ADAMTSL1: variants seen among roughly 807,000 people sequenced by gnomAD.
ADAMTSL1 encodes the protein ADAMTS-like protein 1.
A neutral mutation model predicts 201.8 loss-of-function variants in ADAMTSL1; 126 were observed. The ratio of observed to expected loss-of-function variants is 0.62; its 90% CI spans 0.54 to 0.72. The LOEUF (loss-of-function observed/expected upper bound fraction) is 0.72. Ranked by LOEUF, ADAMTSL1 falls within the 30% of genes least tolerant of loss-of-function variation. ADAMTSL1 has a pLI of 0.00. For missense variants in ADAMTSL1, 2,679 were observed against 2,277.8 expected (o/e 1.18, Z -3.59); for synonymous variants, 1,121 against 903.4 (o/e 1.24, Z -4.32).
At chr9:18,667,925 A>G (rs1829558309) in intron 9 of ADAMTSL1, among the ~76,000 whole-genome samples, 1 of 152,146 alleles carries the variant, frequency 6.6e-6, no homozygotes, top group Admixed American at 6.6e-5. Flanking sequence ...AGAAATTAAG[A>G]TAATTGGCAA....
At chr9:18,585,585 T>C (rs1432009610) in intron 4 of ADAMTSL1, among the ~76,000 whole-genome samples, 2 of 152,266 alleles carry the variant, frequency 1.3e-5, no homozygotes, top group East Asian at 3.9e-4. Flanking sequence ...TTCTATTATA[T>C]GACACCCTTT....
intron 2 of ADAMTSL1, among the ~76,000 whole-genome samples, chr9:18,445,052 G>A (rs140887254): frequency 1.3e-5 from 2 of 152,098 alleles, no homozygotes; most frequent in South Asian, 4.1e-4. Context: ...AACCCAGTCA[G>A]TTGAACTCCA....
chr9:17,966,798 G>A (rs1047573059), intron 1 of ADAMTSL1, among the ~76,000 whole-genome samples: 1 of 151,860 alleles, frequency 6.6e-6, no homozygotes, highest in Non-Finnish European at 1.5e-5. Flanking sequence ...TACTTTTTAA[G>A]GATTTCCCTC....
chr9:18,416,551 C>A (rs77941816), intron 2 of ADAMTSL1, among the ~76,000 whole-genome samples: 4,500 of 151,978 alleles, frequency 0.03, 210 homozygotes, highest in African/African-American at 0.096. Flanking sequence ...AAAAGACACA[C>A]ATAGGTTTAA....
At chr9:18,485,982 T>C (rs1381045720) in intron 1 of ADAMTSL1, among the ~76,000 whole-genome samples, 2 of 152,226 alleles carry the variant, frequency 1.3e-5, no homozygotes, top group Non-Finnish European at 2.9e-5. Context: ...TAAGGCTACA[T>C]AGTTACTGGT....
chr9:18,281,122 A>T (rs902980079), intron 2 of ADAMTSL1, among the ~76,000 whole-genome samples: 1 of 152,124 alleles, frequency 6.6e-6, no homozygotes, highest in Non-Finnish European at 1.5e-5. Flanking sequence ...CATACACACA[A>T]TACCTTTAAG....
intron 1 of ADAMTSL1, among the ~76,000 whole-genome samples, chr9:18,157,938 T>G (rs1563774083): frequency 6.6e-6 from 1 of 152,022 alleles, no homozygotes; most frequent in Non-Finnish European, 1.5e-5. Context: ...TAGAGCAGTA[T>G]GTATGCATAG....
chr9:18,076,684 A>C (rs1368285300), intron 1 of ADAMTSL1, among the ~76,000 whole-genome samples: 1 of 152,206 alleles, frequency 6.6e-6, no homozygotes, highest in African/African-American at 2.4e-5. Flanking sequence ...CCAGTGTGGC[A>C]ATGTCATGTG....
intron 17 of ADAMTSL1, 118 bp downstream of exon 17, chr9:18,770,899 AG>A: frequency 8.8e-7 from 1 of 1,135,730 alleles, no homozygotes; most frequent in Non-Finnish European, 1.2e-6. Flanking sequence ...ATTATGGAAT[AG>A]TATTTTTGTA....
chr9:18,711,284 A>G (rs1183345546), intron 14 of ADAMTSL1, among the ~76,000 whole-genome samples: 3 of 152,232 alleles, frequency 2.0e-5, no homozygotes, highest in Admixed American at 6.5e-5. Flanking sequence ...TACAGCTCCC[A>G]GCGTGAGCTA....
intron 20 of ADAMTSL1, among the ~76,000 whole-genome samples, chr9:18,798,095 G>GA (rs35077159): frequency 1.9e-3 from 271 of 141,756 alleles, no homozygotes; most frequent in African/African-American, 2.2e-3. Flanking sequence ...GGCCAAAGAG[G>GA]AAAAAAAAAA....
chr9:18,419,482 C>T (rs1818840341), intron 2 of ADAMTSL1, among the ~76,000 whole-genome samples: 1 of 151,368 alleles, frequency 6.6e-6, no homozygotes, highest in Non-Finnish European at 1.5e-5. Context: ...ATTATGTTTG[C>T]ACAAAAACCT....
intron 2 of ADAMTSL1, among the ~76,000 whole-genome samples, chr9:18,189,704 C>T (rs1355316315): frequency 6.6e-6 from 1 of 152,084 alleles, no homozygotes; most frequent in Non-Finnish European, 1.5e-5. Flanking sequence ...AGGAAATTAA[C>T]TCCTTCAGCT....
At chr9:18,089,188 C>T (rs904996108) in intron 1 of ADAMTSL1, among the ~76,000 whole-genome samples, 1 of 152,042 alleles carries the variant, frequency 6.6e-6, no homozygotes, top group African/African-American at 2.4e-5. Context: ...AAATTTGTGA[C>T]TCTGCCAGGT....
At chr9:18,536,389 G>A (rs1327265959) in intron 3 of ADAMTSL1, among the ~76,000 whole-genome samples, 2 of 150,920 alleles carry the variant, frequency 1.3e-5, no homozygotes, top group African/African-American at 4.9e-5. Context: ...ACTTGTTGGG[G>A]AGTTCGTATT....
chr9:18,779,872 C>A (rs796608923), intron 19 of ADAMTSL1, among the ~76,000 whole-genome samples: 80 of 152,288 alleles, frequency 5.3e-4, no homozygotes, highest in African/African-American at 1.8e-3. Flanking sequence ...AGTGTAGGTA[C>A]AACGTTTTAT....
intron 16 of ADAMTSL1, among the ~76,000 whole-genome samples, chr9:18,754,935 A>T (rs1024295243): frequency 6.6e-6 from 1 of 152,224 alleles, no homozygotes; most frequent in Non-Finnish European, 1.5e-5. Context: ...AAGCTGAAGT[A>T]AATCCTCACA....
In ADAMTSL1 at chr9:18,891,132, C is replaced by T. The variant is rs528027668; in HGVS notation, c.4644-1257C>T. Among the ~76,000 whole-genome samples, 4 of 126,390 alleles carry T rather than the reference C, an allele frequency of 3.2e-5. No homozygotes were observed. In the East Asian group the frequency reaches 7.7e-4, roughly 24 times the overall value. 82.9% of individuals were successfully genotyped at this position (126,390 alleles called of 152,430 possible). On this transcript the variant is annotated intron_variant, in intron 25 of 28. Transcript: ENST00000380548. ...CCAGATTTAGGAGGAATTTGCTCCC[C>T]TTCCCTGCTACATGCCTCTCCTGAA...
At chr9:18,758,657 G>A (rs1819903639) in intron 16 of ADAMTSL1, among the ~76,000 whole-genome samples, 1 of 151,972 alleles carries the variant, frequency 6.6e-6, no homozygotes, top group Non-Finnish European at 1.5e-5. Flanking sequence ...CTCTTCTAAG[G>A]ACCACTGTGA....
Sources: allele counts gnomAD v4.1 joint callset (sites outside exome capture counted in the v4.1 genomes callset), GRCh38; gene constraint gnomAD v4.1.1; transcripts MANE v1.5; gene names NCBI Gene and HGNC (gene_info 2026-07-23, HGNC 2026-07-21).